The following NT5DC1 variants were observed in gnomAD, a reference collection of about 807,000 sequenced individuals.
NT5DC1 encodes the protein 5'-nucleotidase domain-containing protein 1.
In NT5DC1, 42 loss-of-function variants were observed where a neutral mutation model predicts 59.4. The ratio of observed to expected loss-of-function variants is 0.71; its 90% CI spans 0.55 to 0.92. The LOEUF (loss-of-function observed/expected upper bound fraction) is 0.92. NT5DC1 is among the 40% of genes least tolerant of loss of function. The probability of loss-of-function intolerance (pLI) is 0.00; values close to 1 mark genes in which losing one functional copy is unlikely to be tolerated. For missense variants in NT5DC1, 501 were observed against 537.1 expected (o/e 0.93, Z 0.66); for synonymous variants, 172 against 188.1 (o/e 0.91, Z 0.70).
At chr6:116,227,020 A>G (rs1781924036) in intron 8 of NT5DC1, among the ~76,000 whole-genome samples, 2 of 152,142 alleles carry the variant, frequency 1.3e-5, no homozygotes, top group African/African-American at 4.8e-5. Flanking sequence ...TAAATTTCAA[A>G]TATACAATAT....
chr6:116,193,762 C>T (rs1369313080), intron 6 of NT5DC1, among the ~76,000 whole-genome samples: 3 of 107,382 alleles, frequency 2.8e-5, no homozygotes, highest in African/African-American at 8.3e-5. Flanking sequence ...TATAATTATA[C>T]TGTTAAAAAT....
At chr6:116,133,149 A>G (rs1455326013) in intron 6 of NT5DC1, among the ~76,000 whole-genome samples, 1 of 152,204 alleles carries the variant, frequency 6.6e-6, no homozygotes, top group Non-Finnish European at 1.5e-5. Flanking sequence ...TCGTGCGCCA[A>G]GTGCTTAATG....
intron 6 of NT5DC1, among the ~76,000 whole-genome samples, chr6:116,195,013 T>G (rs1361517390): frequency 6.6e-6 from 1 of 152,096 alleles, no homozygotes; most frequent in African/African-American, 2.4e-5. Flanking sequence ...CACCTTCACC[T>G]TCCTGCCATC....
intron 6 of NT5DC1, among the ~76,000 whole-genome samples, chr6:116,163,141 A>AAAAAATATATATAT (rs761718922): frequency 9.0e-5 from 8 of 88,404 alleles, no homozygotes; most frequent in African/African-American, 4.6e-4. Context: ...AAAAAAAAAA[A>AAAAAATATATATAT]ATATATATAT....
rs1771819885 is a variant in NT5DC1 at position 116,245,161 on chromosome 6, G to A, written c.*1137G>A. 1 of 152,182 alleles carries A rather than the reference G, an allele frequency of 6.6e-6. No homozygotes were observed. 9.4% of individuals were successfully genotyped at this position (152,182 alleles called of 1,614,324 possible). ...ACAATCCAGGACTGTGGTGTTCTAT[G>A]TGCCGTGTATGGTCATATTAGTAGC... On this transcript the variant is annotated 3_prime_UTR_variant, in exon 12 of 12. Coordinates refer to ENST00000319550, the MANE Select transcript of NT5DC1 (RefSeq NM_152729.3).
chr6:116,168,039 T>G (rs1780513038), intron 6 of NT5DC1, among the ~76,000 whole-genome samples: 1 of 151,892 alleles, frequency 6.6e-6, no homozygotes, highest in African/African-American at 2.4e-5. Context: ...CTAATTTCTC[T>G]TTGTCTTTGG....
At chr6:116,145,497 G>T in intron 6 of NT5DC1, 1 of 367,832 alleles carries the variant, frequency 2.7e-6, no homozygotes. Context: ...ACTTATTTAA[G>T]AGATTAAAGT....
intron 8 of NT5DC1, among the ~76,000 whole-genome samples, chr6:116,232,662 C>T (rs1694050348): frequency 6.6e-6 from 1 of 152,116 alleles, no homozygotes; most frequent in African/African-American, 2.4e-5. Context: ...ACAGATTCTG[C>T]TCTCTGTGGT....
chr6:116,236,924 C>A, intron 8 of NT5DC1, 42 bp from the exon 9 acceptor site: 2 of 1,293,386 alleles, frequency 1.5e-6, no homozygotes, highest in African/African-American at 1.5e-5. Flanking sequence ...TGGCTACTCT[C>A]ACTTGATTAA....
chr6:116,244,360 T>TAGC lies in NT5DC1; in HGVS notation c.*338_*340dup. The TAGC allele has an allele frequency of 6.3e-6, 1 of 159,110 alleles. No individual in the cohort carries two copies. The highest frequency in any genetic ancestry group is 1.4e-5 in the Non-Finnish European group (1 of 72,742). 9.9% of individuals were successfully genotyped at this position (159,110 alleles called of 1,614,324 possible). On this transcript the variant is annotated 3_prime_UTR_variant, in exon 12 of 12. Transcript: ENST00000319550. ...AAGTGTGATCCATAGACTAATAGCA[T>TAGC]AGCATTACCTGAGAACTTGATAATG...
At chr6:116,192,171 A>C (rs1781134703) in intron 6 of NT5DC1, among the ~76,000 whole-genome samples, 1 of 152,042 alleles carries the variant, frequency 6.6e-6, no homozygotes, top group African/African-American at 2.4e-5. Context: ...GTTCAGAGTT[A>C]ACTGTGTGAT....
intron 6 of NT5DC1, chr6:116,120,348 T>C (rs1261139421): frequency 1.9e-6 from 3 of 1,614,122 alleles, no homozygotes; most frequent in Admixed American, 1.7e-5. Context: ...ATCTGACAAG[T>C]AAAGATTCCA....
At chr6:116,240,116 G>A (rs1002014856) in intron 11 of NT5DC1, among the ~76,000 whole-genome samples, 1 of 152,112 alleles carries the variant, frequency 6.6e-6, no homozygotes, top group Non-Finnish European at 1.5e-5. Context: ...ACAGAAGAGA[G>A]GCTGAGACAT....
chr6:116,197,890 A>G (rs907080424), intron 6 of NT5DC1, among the ~76,000 whole-genome samples: 8 of 137,702 alleles, frequency 5.8e-5, no homozygotes, highest in Admixed American at 4.8e-4. Flanking sequence ...TTATATACAC[A>G]TGTCTACTTC....
chr6:116,242,230 G>A (rs1015894294), intron 11 of NT5DC1, among the ~76,000 whole-genome samples: 18 of 151,690 alleles, frequency 1.2e-4, no homozygotes, highest in Non-Finnish European at 1.8e-4. Flanking sequence ...AATTAGCCGG[G>A]TATGGTGGCG....
At chr6:116,192,038 G>A (rs1288478224) in intron 6 of NT5DC1, among the ~76,000 whole-genome samples, 4 of 152,116 alleles carry the variant, frequency 2.6e-5, no homozygotes, top group South Asian at 2.1e-4. Flanking sequence ...TTAATCTCCC[G>A]TTAGCCCATT....
At chr6:116,162,998 G>A (rs776382944) in intron 6 of NT5DC1, among the ~76,000 whole-genome samples, 18 of 151,304 alleles carry the variant, frequency 1.2e-4, no homozygotes, top group Non-Finnish European at 2.1e-4. Flanking sequence ...GTGGCGGCAG[G>A]CACTTATAGT....
At chr6:116,181,330 A>T (rs1780869037) in intron 6 of NT5DC1, among the ~76,000 whole-genome samples, 1 of 152,080 alleles carries the variant, frequency 6.6e-6, no homozygotes, top group Admixed American at 6.6e-5. Context: ...CAGAAATATT[A>T]GCAAATTCAG....
intron 6 of NT5DC1, among the ~76,000 whole-genome samples, chr6:116,193,932 C>T (rs1245144913): frequency 6.6e-6 from 1 of 151,904 alleles, no homozygotes; most frequent in Non-Finnish European, 1.5e-5. Context: ...GATGTGGTGG[C>T]ATGTATCTGT....
Sources: gnomAD v4.1 joint callset for allele counts (sites outside exome capture counted in the v4.1 genomes callset) on GRCh38, gnomAD v4.1.1 for gene constraint, MANE v1.5 for transcripts, NCBI Gene and HGNC (gene_info 2026-07-23, HGNC 2026-07-21) for gene names.